The following FBXO31 variants were observed in gnomAD, a reference collection of about 807,000 sequenced individuals.
FBXO31 encodes F-box only protein 31.
Under a neutral mutation model 54.4 loss-of-function variants are expected in FBXO31, and 24 were observed. The observed-to-expected ratio is 0.44, with a 90% CI of 0.32 to 0.62. The LOEUF is 0.62. FBXO31 is among the 20% of genes least tolerant of loss of function. FBXO31 has a pLI of 0.05. For missense variants in FBXO31, 665 were observed against 787.1 expected (o/e 0.84, Z 1.86); for synonymous variants, 388 against 335.6 (o/e 1.16, Z -1.71).
intron 5 of FBXO31, among the ~76,000 whole-genome samples, chr16:87,340,492 G>A (rs1337661992): frequency 6.6e-6 from 1 of 152,172 alleles, no homozygotes; most frequent in East Asian, 1.9e-4. Flanking sequence ...CCAAGGCTGG[G>A]GCTAAGCCTT....
intron 2 of FBXO31, among the ~76,000 whole-genome samples, chr16:87,356,409 C>T (rs766511383): frequency 1.3e-5 from 2 of 152,068 alleles, no homozygotes; most frequent in African/African-American, 2.4e-5. Flanking sequence ...CAAACGTTGC[C>T]CACCCCTCCT....
chr16:87,348,084 A>T (rs1905473185), intron 2 of FBXO31, among the ~76,000 whole-genome samples: 2 of 152,096 alleles, frequency 1.3e-5, no homozygotes, highest in South Asian at 4.1e-4. Flanking sequence ...CCTTCACCCC[A>T]TGGGGTATGG....
At chr16:87,373,162 C>T (rs116041504) in intron 1 of FBXO31, among the ~76,000 whole-genome samples, 84 of 152,144 alleles carry the variant, frequency 5.5e-4, no homozygotes, top group African/African-American at 1.9e-3. Flanking sequence ...CAGCCAATTC[C>T]TGAAGCTGGC....
At chr16:87,374,635 C>G (rs914027755) in intron 1 of FBXO31, among the ~76,000 whole-genome samples, 3 of 152,146 alleles carry the variant, frequency 2.0e-5, no homozygotes, top group African/African-American at 7.2e-5. Flanking sequence ...AAATAGTATT[C>G]CACGTAACAT....
In FBXO31 at chr16:87,328,082, C is replaced by G. The variant is rs759845756; in HGVS notation, c.*3206G>C. ...GGGCTGAGGAGTTTCTGCTGCTGTC[C>G]GTGACTGCCCACGAGCACTGAAAAT... is the stretch of plus-strand genomic sequence containing the variant. On this transcript the variant is annotated 3_prime_UTR_variant, in exon 9 of 9. Transcript: ENST00000311635. 3 of 152,246 alleles carry G rather than the reference C, an allele frequency of 2.0e-5. No homozygotes were observed. The highest frequency in any genetic ancestry group is 2.9e-5 in the Non-Finnish European group (2 of 68,086). The allele number at this position is 152,246 out of a possible 1,614,324, so 9.4% of individuals were successfully genotyped here.
upstream of FBXO31, among the ~76,000 whole-genome samples, chr16:87,384,609 C>T (rs564136407): frequency 2.0e-5 from 3 of 152,346 alleles, no homozygotes; most frequent in South Asian, 4.1e-4. Flanking sequence ...CGTCCTCTCA[C>T]CTGAGCAGCC....
In FBXO31 at chr16:87,331,364, G is replaced by T. The variant is rs1166864372; in HGVS notation, c.1544C>A (p.Thr515Asn). The stretch of plus-strand genomic sequence containing the variant: ...GGACGGCGCATCTGCGTTCCGGAAG[G>T]TGGCCTGGACCCGGCTGTACAGGCT... ...SFSLYSRVQA[T>N]FRNADAPSPQ... is the part of the protein sequence containing the mutation. The change falls in exon 9 of 9, where the codon ACC becomes AAC. Residue 515 changes from threonine to asparagine, a missense_variant. Physicochemically the swap from Thr to Asn is moderately conservative, Grantham distance 65. Around this residue, in one of 4 missense-constraint regions of FBXO31, gnomAD observed 71 missense variants for 105.8 expected, o/e 0.67. Transcript: ENST00000311635. 4 of 1,614,032 alleles carry T rather than the reference G, an allele frequency of 2.5e-6. No individual in the cohort carries two copies. Among genetic ancestry groups the T allele is most frequent in the Non-Finnish European group, 3.4e-6 (4 of 1,180,044 alleles).
intron 8 of FBXO31, 38 bp downstream of exon 8, chr16:87,333,848 G>A (rs373596855): frequency 1.3e-6 from 2 of 1,553,318 alleles, no homozygotes; most frequent in African/African-American, 2.7e-5. Context: ...AGCCCATGCT[G>A]TCCCACCTTC....
In FBXO31 at chr16:87,343,203, GC is replaced by G. The variant is rs573771718; in HGVS notation, c.658-253del. Among the ~76,000 whole-genome samples the G allele has an allele frequency of 3.9e-5, 6 of 152,384 alleles. No homozygotes were observed. In the South Asian group the frequency reaches 1.2e-3, roughly 32 times the overall value. ...GCATTTCCCAGCGTGACACAGAGCAGCAAAAGGGCTGCATCTCACACACAAG... is the reference window on the plus strand; with the variant it reads ...GCATTTCCCAGCGTGACACAGAGCAGAAAAGGGCTGCATCTCACACACAAG... On this transcript the variant is annotated intron_variant, in intron 4 of 8. Coordinates refer to ENST00000311635, the MANE Select transcript of FBXO31 (RefSeq NM_024735.5).
At position 87,331,184 on chromosome 16, in the gene FBXO31, T is replaced by C. The variant is rs560434267; in HGVS notation, c.*104A>G. 1.3e-3 allele frequency: 1,481 copies of C among 1,180,254 alleles called. 4 individuals are homozygous for C. The highest frequency in any genetic ancestry group is 1.6e-3 in the Non-Finnish European group (1,290 of 820,276). The allele number at this position is 1,180,254 out of a possible 1,614,324, so 73.1% of individuals were successfully genotyped here. ...CTGGGCCCCCCGACGAGGTGTGCGTTCTGGTCAAAAGGCCGGATTTCCAAA... is the reference window on the plus strand; with the variant it reads ...CTGGGCCCCCCGACGAGGTGTGCGTCCTGGTCAAAAGGCCGGATTTCCAAA... On this transcript the variant is annotated 3_prime_UTR_variant, in exon 9 of 9. Coordinates refer to ENST00000311635, the MANE Select transcript of FBXO31 (RefSeq NM_024735.5).
Position 87,329,333 on chromosome 16 carries a change from T to G in FBXO31, c.*1955A>C, listed in dbSNP as rs1904759441. 2 of 152,276 alleles carry G rather than the reference T, an allele frequency of 1.3e-5. No individual in the cohort carries two copies. Among genetic ancestry groups the G allele is most frequent in the Non-Finnish European group, 2.9e-5 (2 of 68,076 alleles). The allele number at this position is 152,276 out of a possible 1,614,324, so 9.4% of individuals were successfully genotyped here. ...TTTCTATACCCAAACACTGGAAGCG[T>G]AATTGAGATCTGAGATTCCTTTAAT... is the stretch of plus-strand genomic sequence containing the variant. On this transcript the variant is annotated 3_prime_UTR_variant, in exon 9 of 9. Transcript: ENST00000311635.
At chr16:87,374,913 T>C (rs1906755219) in intron 1 of FBXO31, among the ~76,000 whole-genome samples, 1 of 152,232 alleles carries the variant, frequency 6.6e-6, no homozygotes. Context: ...CTGGGCGTAA[T>C]GGCTCACGCC....
chr16:87,351,742 G>A (rs761647581), intron 2 of FBXO31, among the ~76,000 whole-genome samples: 4 of 152,140 alleles, frequency 2.6e-5, no homozygotes, highest in South Asian at 2.1e-4. Context: ...CGTGGCGTAC[G>A]CCTATAATCC....
At position 87,331,460 on chromosome 16, in the gene FBXO31, C is replaced by T. The variant is rs765422663; in HGVS notation, c.1448G>A (p.Arg483His). 40 of 1,612,756 alleles carry T rather than the reference C, an allele frequency of 2.5e-5. No homozygotes were observed. In the South Asian group the frequency reaches 3.1e-4, roughly 12 times the overall value. ...IAGHGFTSPE[R>H]TPGVFILFDE... ...GAAGAGGATGAAGACCCCGGGGGTG[C>T]GTTCAGGGCTGGTGAAGCCGTGGCC... Residue 483 changes from arginine (R) to histidine (H), a missense_variant, in exon 9 of 9, where the codon CGC (arginine) becomes CAC (histidine). This residue lies in a region of FBXO31 where 71 missense variants were observed against 105.8 expected (regional missense o/e 0.67). Coordinates refer to ENST00000311635, the MANE Select transcript of FBXO31 (RefSeq NM_024735.5).
chr16:87,379,146 T>G (rs1906961362), intron 1 of FBXO31, among the ~76,000 whole-genome samples: 1 of 152,090 alleles, frequency 6.6e-6, no homozygotes, highest in South Asian at 2.1e-4. Flanking sequence ...TTTTTTGAGA[T>G]GGAGTCTCAC....
In FBXO31 at chr16:87,343,789, T is replaced by C. The variant is rs781007792; in HGVS notation, c.490-24A>G. 1.9e-6 allele frequency: 3 copies of C among 1,613,170 alleles called. No individual in the cohort carries two copies. In the Admixed American group the frequency reaches 5.0e-5, roughly 27 times the overall value. On this transcript the variant is annotated intron_variant, in intron 3 of 8. Transcript: ENST00000311635. ...ACCTACAGGAGGAGATGGGCAAAGG[T>C]CCATGAGTGGCTCCCGGGCCAGAGC...
chr16:87,383,454 G>A lies in FBXO31; in HGVS notation c.291C>T (p.Phe97=), dbSNP rs1300014221. Residue 97 remains phenylalanine, a synonymous_variant, in exon 1 of 9, where the codon TTC becomes TTT. Transcript: ENST00000311635. The surrounding 1 kb of genome is among the most constrained non-coding windows in gnomAD (Gnocchi z 4.9). ...TGGTGTCGGTGTGGAGGATGCGCCGGAACTTCGTGCAGACCTGGGCCAAGC... is the reference window on the plus strand; with the variant it reads ...TGGTGTCGGTGTGGAGGATGCGCCGAAACTTCGTGCAGACCTGGGCCAAGC... ...LPSLAQVCTK[F]RRILHTDTIW... 12 of 1,590,356 alleles carry A rather than the reference G, an allele frequency of 7.5e-6. No homozygotes were observed. The highest frequency in any genetic ancestry group is 5.2e-5 in the Admixed American group (3 of 57,364).
chr16:87,366,729 G>A (rs1443729059), intron 1 of FBXO31, among the ~76,000 whole-genome samples: 3 of 152,198 alleles, frequency 2.0e-5, no homozygotes, highest in East Asian at 3.8e-4. Context: ...GATCATCCAC[G>A]ATGGGCTGCT....
intron 8 of FBXO31, 121 bp downstream of exon 8, chr16:87,333,765 A>T: frequency 7.1e-7 from 1 of 1,417,948 alleles, no homozygotes; most frequent in Non-Finnish European, 9.5e-7. Flanking sequence ...GTCCCAAAGC[A>T]CCGGCTGCCG....
Sources: allele counts gnomAD v4.1 joint callset (sites outside exome capture counted in the v4.1 genomes callset), GRCh38; gene constraint gnomAD v4.1.1; regional missense constraint gnomAD v4.1.1; non-coding constraint Gnocchi (gnomAD v3.1); transcripts MANE v1.5; gene names NCBI Gene and HGNC (gene_info 2026-07-23, HGNC 2026-07-21).